LRRTM4: variants seen among roughly 807,000 people sequenced by gnomAD.
LRRTM4 encodes the protein leucine rich repeat transmembrane neuronal 4, also known as leucine-rich repeat transmembrane neuronal protein 4.
LRRTM4 carries 25 observed loss-of-function variants against 47.6 expected under a neutral mutation model. That is an observed-to-expected ratio of 0.53 (90% CI 0.38 to 0.73). The LOEUF (loss-of-function observed/expected upper bound fraction) is 0.73. Among genes scored for constraint, LRRTM4 ranks in the 30% least tolerant of loss-of-function variants. The probability of loss-of-function intolerance (pLI) is 0.00; values close to 1 mark genes in which losing one functional copy is unlikely to be tolerated. For missense variants in LRRTM4, 638 were observed against 713.4 expected (o/e 0.89, Z 1.20); for synonymous variants, 311 against 269.5 (o/e 1.15, Z -1.51).
intron 3 of LRRTM4, among the ~76,000 whole-genome samples, chr2:77,036,254 A>C (rs1678833598): frequency 6.6e-6 from 1 of 151,772 alleles, no homozygotes; most frequent in Non-Finnish European, 1.5e-5. Context: ...ATAATTGCAA[A>C]ATAAATTTTA....
At chr2:76,981,035 T>C (rs1271532229) in intron 3 of LRRTM4, among the ~76,000 whole-genome samples, 1 of 152,120 alleles carries the variant, frequency 6.6e-6, no homozygotes, top group African/African-American at 2.4e-5. Flanking sequence ...AATGTAGTTA[T>C]CAGATGCTGC....
In LRRTM4 at chr2:76,748,768, C is replaced by G. The variant is rs549786608; in HGVS notation, c.1700G>C (p.Arg567Pro). The change falls in exon 4 of 4, where the codon CGA becomes CCA. Residue 567 changes from arginine to proline, a missense_variant. Physicochemically the swap from Arg to Pro is moderately radical, Grantham distance 103. Transcript: ENST00000409884. ...GATGGTGGCGATGAAGCTGTGGTCTCGGCCCAGCTCCAGGCCGGGGCTTTC... is the reference window on the plus strand; with the variant it reads ...GATGGTGGCGATGAAGCTGTGGTCTGGGCCCAGCTCCAGGCCGGGGCTTTC... ...QDESPGLELG[R>P]DHSFIATIAR... The G allele has an allele frequency of 1.2e-6, 2 of 1,613,932 alleles. No homozygotes were observed. The highest frequency in any genetic ancestry group is 8.5e-7 in the Non-Finnish European group (1 of 1,179,882).
At position 77,411,137 on chromosome 2, in the gene LRRTM4, T is replaced by C. The variant is rs180782565; in HGVS notation, c.1551+107181A>G. On this transcript the variant is annotated intron_variant, in intron 3 of 3. Transcript: ENST00000409884. ...TTTGAAGAGAACATTCAGGAAAGGC[T>C]TCCTGGAGCACAGATTCAGGCCCCT... Among the ~76,000 whole-genome samples, 273 of 152,268 alleles carry C rather than the reference T, an allele frequency of 1.8e-3. 3 individuals are homozygous for C. Among genetic ancestry groups the C allele is most frequent in the Non-Finnish European group, 1.7e-3 (115 of 68,030 alleles).
At chr2:77,475,428 T>C (rs1296859310) in intron 3 of LRRTM4, among the ~76,000 whole-genome samples, 2 of 152,058 alleles carry the variant, frequency 1.3e-5, no homozygotes, top group African/African-American at 4.8e-5. Flanking sequence ...TAACAAAGCA[T>C]GGCTAAAATA....
intron 3 of LRRTM4, among the ~76,000 whole-genome samples, chr2:77,302,927 A>G (rs909249802): frequency 2.6e-5 from 4 of 152,174 alleles, no homozygotes; most frequent in Non-Finnish European, 5.9e-5. Context: ...GTGGGAGGGT[A>G]AAAGAGGAAT....
chr2:76,950,380 G>A (rs916811168), intron 3 of LRRTM4, among the ~76,000 whole-genome samples: 15 of 151,912 alleles, frequency 9.9e-5, no homozygotes, highest in Admixed American at 9.8e-4. Flanking sequence ...TCACACTTAT[G>A]CATCTCAACT....
chr2:77,243,654 A>G (rs1221886671), intron 3 of LRRTM4, among the ~76,000 whole-genome samples: 2 of 152,078 alleles, frequency 1.3e-5, no homozygotes, highest in African/African-American at 4.8e-5. Flanking sequence ...ACTTAACACT[A>G]GTGAACTGTA....
At chr2:76,943,766 T>C (rs1158115304) in intron 3 of LRRTM4, among the ~76,000 whole-genome samples, 4 of 152,182 alleles carry the variant, frequency 2.6e-5, no homozygotes, top group African/African-American at 9.6e-5. Context: ...TGCATCTGAA[T>C]TATTAGCATG....
chr2:77,328,028 A>C (rs1670844247), intron 3 of LRRTM4, among the ~76,000 whole-genome samples: 1 of 152,152 alleles, frequency 6.6e-6, no homozygotes, highest in Non-Finnish European at 1.5e-5. Flanking sequence ...ACAGATTTAC[A>C]ACTGGAATCC....
At chr2:76,805,618 T>C (rs942184234) in intron 3 of LRRTM4, among the ~76,000 whole-genome samples, 3 of 152,166 alleles carry the variant, frequency 2.0e-5, no homozygotes, top group African/African-American at 2.4e-5. Context: ...TTTAAATTAA[T>C]GTTTTTAGGG....
At chr2:76,765,178 G>A (rs1008854145) in intron 3 of LRRTM4, among the ~76,000 whole-genome samples, 46 of 152,256 alleles carry the variant, frequency 3.0e-4, no homozygotes, top group African/African-American at 1.1e-3. Context: ...TGTTAGAATA[G>A]GTCGTCTATT....
At chr2:77,111,283 ATTT>A (rs71381260) in intron 3 of LRRTM4, among the ~76,000 whole-genome samples, 1 of 113,168 alleles carries the variant, frequency 8.8e-6, no homozygotes. Context: ...ACACCTGGCT[ATTT>A]TTTTTTTTTT....
chr2:76,800,561 AAACACCAAAAGCAAT>A, intron 3 of LRRTM4, among the ~76,000 whole-genome samples: 1 of 146,502 alleles, frequency 6.8e-6, no homozygotes, highest in Non-Finnish European at 1.5e-5. Context: ...TTCATGTCTA[AAACACCAAAAGCAAT>A]GGCAACAAAA....
intron 3 of LRRTM4, among the ~76,000 whole-genome samples, chr2:77,318,469 A>C (rs1373223066): frequency 6.6e-6 from 1 of 152,162 alleles, no homozygotes; most frequent in Non-Finnish European, 1.5e-5. Flanking sequence ...ACTCAGACCC[A>C]AAACTTTCAT....
At chr2:77,487,133 G>T (rs1573481397) in intron 3 of LRRTM4, among the ~76,000 whole-genome samples, 1 of 152,208 alleles carries the variant, frequency 6.6e-6, no homozygotes, top group South Asian at 2.1e-4. Flanking sequence ...AGCCAGGGCT[G>T]CAGGATCCAC....
intron 3 of LRRTM4, among the ~76,000 whole-genome samples, chr2:76,911,709 A>G (rs891632980): frequency 6.6e-6 from 1 of 152,084 alleles, no homozygotes; most frequent in African/African-American, 2.4e-5. Context: ...AGAAAGGGAG[A>G]GACAGGTAGA....
intron 3 of LRRTM4, among the ~76,000 whole-genome samples, chr2:76,907,618 A>T (rs551984738): frequency 0.014 from 1,768 of 128,606 alleles, 24 homozygotes; most frequent in East Asian, 0.053. Flanking sequence ...AGAAAAAAAG[A>T]GAGAAGAATC....
At chr2:76,808,504 T>C (rs2103809805) in intron 3 of LRRTM4, among the ~76,000 whole-genome samples, 1 of 151,784 alleles carries the variant, frequency 6.6e-6, no homozygotes. Context: ...TGAAATCCAA[T>C]CATGCCGAAA....
At chr2:77,441,526 G>C (rs146197968) in intron 3 of LRRTM4, among the ~76,000 whole-genome samples, 18 of 152,254 alleles carry the variant, frequency 1.2e-4, no homozygotes, top group Middle Eastern at 3.4e-3. Context: ...TTTTGGGAAA[G>C]TTGATGAATC....
Sources: allele counts gnomAD v4.1 joint callset (sites outside exome capture counted in the v4.1 genomes callset), GRCh38; gene constraint gnomAD v4.1.1; transcripts MANE v1.5; gene names NCBI Gene and HGNC (gene_info 2026-07-23, HGNC 2026-07-21).